The following FAM219A variants were observed in gnomAD, a reference collection of about 807,000 sequenced individuals.
FAM219A encodes protein FAM219A.
A neutral mutation model predicts 23.4 loss-of-function variants in FAM219A; 7 were observed. That is an observed-to-expected ratio of 0.30 (90% CI 0.17 to 0.56). FAM219A has a LOEUF of 0.56. FAM219A is among the 20% of genes least tolerant of loss of function. The pLI, the probability that FAM219A is intolerant of heterozygous loss-of-function variation, is 0.92. For synonymous variants in FAM219A, 93 were observed against 99.0 expected, an observed-to-expected ratio of 0.94 and a Z score of 0.36; for missense variants, 166 against 246.9, an observed-to-expected ratio of 0.67 and a Z score of 2.20.
rs180843824 is a variant in FAM219A at position 34,400,687 on chromosome 9, A to G, written c.*277T>C. 3.5e-3 allele frequency: 1,177 copies of G among 332,700 alleles called. 2 individuals carry two copies. Among genetic ancestry groups the G allele is most frequent in the Non-Finnish European group, 4.5e-3 (820 of 182,970 alleles). 20.6% of individuals were successfully genotyped at this position (332,700 alleles called of 1,614,324 possible). On this transcript the variant is annotated 3_prime_UTR_variant, in exon 6 of 6. Transcript: ENST00000651358. Reference sequence around the variant, plus strand: ...CTTGGCCAGCCCTGGGAAGCGGGGCAGGGTGCTGGGTGAGGTTCCCCCAGG... The same window carrying G: ...CTTGGCCAGCCCTGGGAAGCGGGGCGGGGTGCTGGGTGAGGTTCCCCCAGG...
At chr9:34,428,097 C>A (rs181724392) in intron 1 of FAM219A, among the ~76,000 whole-genome samples, 6 of 152,288 alleles carry the variant, frequency 3.9e-5, no homozygotes, top group Admixed American at 6.5e-5. Context: ...AATGGGAAAC[C>A]AGCTTGGAAT....
At chr9:34,444,398 G>A (rs1429640866) in intron 1 of FAM219A, among the ~76,000 whole-genome samples, 1 of 152,180 alleles carries the variant, frequency 6.6e-6, no homozygotes, top group Non-Finnish European at 1.5e-5. Context: ...CCAGGAGGAT[G>A]TGTACAGGTC....
At chr9:34,438,447 C>T (rs1432230281) in intron 1 of FAM219A, among the ~76,000 whole-genome samples, 2 of 152,212 alleles carry the variant, frequency 1.3e-5, no homozygotes, top group African/African-American at 4.8e-5. Flanking sequence ...TTATGTCTAG[C>T]TCAGGGATTG....
chr9:34,433,618 A>T (rs1275072790), intron 1 of FAM219A, among the ~76,000 whole-genome samples: 1 of 152,212 alleles, frequency 6.6e-6, no homozygotes, highest in Non-Finnish European at 1.5e-5. Flanking sequence ...AATAAGTTTT[A>T]AAAACATGAC....
At chr9:34,438,065 C>T (rs1822994414) in intron 1 of FAM219A, among the ~76,000 whole-genome samples, 1 of 152,224 alleles carries the variant, frequency 6.6e-6, no homozygotes, top group South Asian at 2.1e-4. Context: ...GGCTTAGCAC[C>T]CGGGCCAGTG....
At chr9:34,444,280 C>T (rs1454954028) in intron 1 of FAM219A, among the ~76,000 whole-genome samples, 1 of 152,200 alleles carries the variant, frequency 6.6e-6, no homozygotes, top group Non-Finnish European at 1.5e-5. Flanking sequence ...ATGACCTATA[C>T]ATTTGGGTTT....
At chr9:34,412,785 A>G (rs1254840469) in intron 1 of FAM219A, among the ~76,000 whole-genome samples, 2 of 152,216 alleles carry the variant, frequency 1.3e-5, no homozygotes, top group Non-Finnish European at 2.9e-5. Context: ...GATAAAGACA[A>G]AATTTAGAAA....
chr9:34,414,576 A>G (rs1821933397), intron 1 of FAM219A, among the ~76,000 whole-genome samples: 1 of 152,264 alleles, frequency 6.6e-6, no homozygotes, highest in Admixed American at 6.5e-5. Flanking sequence ...TCCCACTTAC[A>G]GGGAAAGACA....
At chr9:34,445,658 G>A (rs1438524381) in intron 1 of FAM219A, among the ~76,000 whole-genome samples, 1 of 152,162 alleles carries the variant, frequency 6.6e-6, no homozygotes, top group Non-Finnish European at 1.5e-5. Flanking sequence ...TCAAAAGCCA[G>A]TGGAGAAGTT....
At position 34,448,803 on chromosome 9, in the gene FAM219A, C is replaced by T. The variant is rs186268108; in HGVS notation, c.60+9401G>A. ...TGGTGGGAGCTAAGCTATGAGGACA[C>T]AAAGGCATAAGAATGATATAATGGA... On this transcript the variant is annotated intron_variant, in intron 1 of 5. Coordinates refer to ENST00000651358, the MANE Select transcript of FAM219A (RefSeq NM_001184940.2). Among the ~76,000 whole-genome samples, 398 of 152,060 alleles carry T rather than the reference C, an allele frequency of 2.6e-3. 8 individuals are homozygous for T. The highest frequency in any genetic ancestry group is 1.9e-3 in the Non-Finnish European group (132 of 67,988).
At chr9:34,452,990 T>C (rs1823609652) in intron 1 of FAM219A, among the ~76,000 whole-genome samples, 1 of 152,164 alleles carries the variant, frequency 6.6e-6, no homozygotes, top group African/African-American at 2.4e-5. Context: ...TAGCAGAGAA[T>C]AGGTTCTTAC....
intron 1 of FAM219A, among the ~76,000 whole-genome samples, chr9:34,436,400 T>G (rs1822921181): frequency 6.6e-6 from 1 of 151,760 alleles, no homozygotes; most frequent in Non-Finnish European, 1.5e-5. Context: ...CATGCCACCA[T>G]GCCTGGCTAT....
chr9:34,404,036 T>C (rs1264463537), intron 2 of FAM219A, among the ~76,000 whole-genome samples: 1 of 152,324 alleles, frequency 6.6e-6, no homozygotes, highest in South Asian at 2.1e-4. Context: ...GGGACAATGC[T>C]GTGAATTTTC....
At chr9:34,421,277 G>T (rs1822272607) in intron 1 of FAM219A, among the ~76,000 whole-genome samples, 1 of 152,028 alleles carries the variant, frequency 6.6e-6, no homozygotes, top group African/African-American at 2.4e-5. Context: ...TGTTATAGGG[G>T]TGTGTGTGTG....
intron 1 of FAM219A, among the ~76,000 whole-genome samples, chr9:34,411,028 T>C (rs10738927): frequency 0.98 from 149,968 of 152,330 alleles, 73,871 homozygotes; most frequent in Middle Eastern, 1. Context: ...GTGAGGCCTA[T>C]ACTATCATGG....
intron 1 of FAM219A, among the ~76,000 whole-genome samples, chr9:34,444,832 C>G (rs1002774608): frequency 6.6e-6 from 1 of 152,164 alleles, no homozygotes; most frequent in Non-Finnish European, 1.5e-5. Flanking sequence ...TCTCTCTTTT[C>G]CTACTGCATT....
chr9:34,439,419 G>C (rs565369601), intron 1 of FAM219A, among the ~76,000 whole-genome samples: 1 of 152,306 alleles, frequency 6.6e-6, no homozygotes, highest in Non-Finnish European at 1.5e-5. Context: ...TGAAGGCACA[G>C]GAGACAAATG....
rs770986532 is a variant in FAM219A, at chr9:34,402,378, C to T, written c.344+9G>A. On this transcript the variant is annotated intron_variant, in intron 4 of 5. Coordinates refer to ENST00000651358, the MANE Select transcript of FAM219A (RefSeq NM_001184940.2). ...GGCTGCCCAGCTACCCCCAAGCCCCCATACACACCTGTCCGTGTCAAGGGC... is the reference window on the plus strand; with the variant it reads ...GGCTGCCCAGCTACCCCCAAGCCCCTATACACACCTGTCCGTGTCAAGGGC... 32 of 1,614,136 alleles carry T rather than the reference C, an allele frequency of 2.0e-5. No individual in the cohort carries two copies. Among genetic ancestry groups the T allele is most frequent in the Non-Finnish European group, 2.6e-5 (31 of 1,180,046 alleles).
At chr9:34,434,483 A>C (rs928632075) in intron 1 of FAM219A, among the ~76,000 whole-genome samples, 3 of 152,168 alleles carry the variant, frequency 2.0e-5, no homozygotes, top group Admixed American at 6.5e-5. Flanking sequence ...GAGAAAAAGA[A>C]TCTGAAGCCC....
Sources: gnomAD v4.1 joint callset for allele counts (sites outside exome capture counted in the v4.1 genomes callset) on GRCh38, gnomAD v4.1.1 for gene constraint, MANE v1.5 for transcripts, NCBI Gene and HGNC (gene_info 2026-07-23, HGNC 2026-07-21) for gene names.